The following ROBO1 variants were observed in gnomAD, a reference collection of about 807,000 sequenced individuals.
ROBO1 encodes the protein roundabout homolog 1.
In ROBO1, 149 loss-of-function variants were observed where a neutral mutation model predicts 195.9. The ratio of observed to expected loss-of-function variants is 0.76; its 90% CI spans 0.67 to 0.87. ROBO1 has a LOEUF of 0.87. Ranked by LOEUF, ROBO1 falls within the 40% of genes least tolerant of loss-of-function variation. The pLI, the probability that ROBO1 is intolerant of heterozygous loss-of-function variation, is 0.00. For missense variants in ROBO1, 1,933 were observed against 2,068.3 expected (o/e 0.93, Z 1.27); for synonymous variants, 816 against 733.2 (o/e 1.11, Z -1.82).
chr3:79,481,429 A>T (rs1938853704), intron 2 of ROBO1, among the ~76,000 whole-genome samples: 1 of 152,190 alleles, frequency 6.6e-6, no homozygotes, highest in African/African-American at 2.4e-5. Context: ...TGTAGAGATG[A>T]TTCTGTGAAT....
intron 1 of ROBO1, among the ~76,000 whole-genome samples, chr3:79,724,211 T>A (rs1430008589): frequency 1.3e-5 from 2 of 152,202 alleles, no homozygotes; most frequent in Admixed American, 6.5e-5. Flanking sequence ...CCATTTAGGG[T>A]AAAGAACAAC....
At chr3:79,550,166 AG>A (rs1405136339) in intron 2 of ROBO1, among the ~76,000 whole-genome samples, 2 of 122,504 alleles carry the variant, frequency 1.6e-5, no homozygotes, top group African/African-American at 8.1e-5. Flanking sequence ...AAAGAAAGAA[AG>A]GAAGAAAGAA....
At chr3:79,234,145 C>T (rs1181774581) in intron 2 of ROBO1, among the ~76,000 whole-genome samples, 1 of 152,030 alleles carries the variant, frequency 6.6e-6, no homozygotes, top group East Asian at 1.9e-4. Flanking sequence ...TGTCTGTTTA[C>T]TCTGTTAATA....
intron 3 of ROBO1, among the ~76,000 whole-genome samples, chr3:78,942,868 A>C (rs748933592): frequency 2.0e-5 from 3 of 152,060 alleles, no homozygotes; most frequent in African/African-American, 4.8e-5. Context: ...ACCTGTGAAT[A>C]GCCACTGCAC....
At chr3:78,823,315 G>A (rs2031217215) in intron 4 of ROBO1, among the ~76,000 whole-genome samples, 1 of 151,638 alleles carries the variant, frequency 6.6e-6, no homozygotes, top group Admixed American at 6.6e-5. Context: ...ATACAGAAAA[G>A]GCCATATTTT....
intron 2 of ROBO1, among the ~76,000 whole-genome samples, chr3:79,341,443 C>T (rs2034900627): frequency 6.6e-6 from 1 of 152,074 alleles, no homozygotes; most frequent in African/African-American, 2.4e-5. Context: ...ACATTCATTT[C>T]ACATCTTAGC....
intron 4 of ROBO1, among the ~76,000 whole-genome samples, chr3:78,812,458 G>C (rs989150598): frequency 1.3e-4 from 20 of 151,900 alleles, no homozygotes; most frequent in African/African-American, 4.6e-4. Context: ...TACCTACAAG[G>C]CTCCCTCTTT....
intron 2 of ROBO1, among the ~76,000 whole-genome samples, chr3:79,136,861 T>A (rs2080419398): frequency 6.6e-6 from 1 of 152,198 alleles, no homozygotes; most frequent in East Asian, 1.9e-4. Context: ...TGCTTTTAGG[T>A]GGTGCCTCCT....
At chr3:79,550,201 GAAAAGAAAAGAAAA>G (rs1559984512) in intron 2 of ROBO1, among the ~76,000 whole-genome samples, 33 of 23,166 alleles carry the variant, frequency 1.4e-3, no homozygotes, top group African/African-American at 2.8e-3. Flanking sequence ...GAAAGGAAAA[GAAAAGAAAAGAAAA>G]GAAAAGAAAA....
At chr3:78,895,386 G>C (rs1278887761) in intron 4 of ROBO1, among the ~76,000 whole-genome samples, 1 of 152,142 alleles carries the variant, frequency 6.6e-6, no homozygotes, top group African/African-American at 2.4e-5. Flanking sequence ...AAAAGGCCTT[G>C]TTGTTTTTCA....
intron 2 of ROBO1, among the ~76,000 whole-genome samples, chr3:79,299,434 T>G (rs1056716693): frequency 9.9e-5 from 15 of 152,188 alleles, no homozygotes; most frequent in African/African-American, 3.4e-4. Flanking sequence ...ACTGAATTCC[T>G]GACAAATGTT....
chr3:79,403,152 C>G (rs908691313), intron 2 of ROBO1, among the ~76,000 whole-genome samples: 6 of 151,700 alleles, frequency 4.0e-5, no homozygotes, highest in Non-Finnish European at 7.4e-5. Context: ...TTTTCTCAGG[C>G]AAGAAAAAAT....
At chr3:79,048,545 G>A (rs1230123428) in intron 3 of ROBO1, among the ~76,000 whole-genome samples, 2 of 152,138 alleles carry the variant, frequency 1.3e-5, no homozygotes, top group South Asian at 4.1e-4. Flanking sequence ...TGTGGTTGGA[G>A]AAGTATATAT....
intron 2 of ROBO1, among the ~76,000 whole-genome samples, chr3:79,133,850 A>G: frequency 6.7e-6 from 1 of 148,310 alleles, no homozygotes; most frequent in African/African-American, 2.5e-5. Context: ...GGTGATGTAC[A>G]GATGGGTTTT....
chr3:79,244,238 G>T (rs2108889396), intron 2 of ROBO1, among the ~76,000 whole-genome samples: 1 of 152,164 alleles, frequency 6.6e-6, no homozygotes. Flanking sequence ...ATTAAGGTTA[G>T]CTCTCTCCTC....
chr3:79,183,080 C>CAAA (rs1304597488), intron 2 of ROBO1, among the ~76,000 whole-genome samples: 17 of 64,832 alleles, frequency 2.6e-4, no homozygotes, highest in African/African-American at 7.5e-4. Context: ...GACTCCAACT[C>CAAA]AAAAAAAAAA....
intron 4 of ROBO1, among the ~76,000 whole-genome samples, chr3:78,763,797 C>T (rs533809759): frequency 6.6e-5 from 10 of 152,274 alleles, no homozygotes; most frequent in Admixed American, 2.6e-4. Context: ...AATCCATTCC[C>T]GAGTTTTAAC....
At chr3:78,796,575 TCTA>T (rs1167030027) in intron 4 of ROBO1, among the ~76,000 whole-genome samples, 1 of 151,302 alleles carries the variant, frequency 6.6e-6, no homozygotes, top group African/African-American at 2.4e-5. Flanking sequence ...TTCACCCTCC[TCTA>T]CTACTACTTC....
chr3:78,799,238 ACACT>A (rs890255555), intron 4 of ROBO1, among the ~76,000 whole-genome samples: 3 of 152,106 alleles, frequency 2.0e-5, no homozygotes, highest in African/African-American at 7.2e-5. Flanking sequence ...TTGACTTTAA[ACACT>A]CAGTACCATA....
Sources: gnomAD v4.1 joint callset for allele counts (sites outside exome capture counted in the v4.1 genomes callset) on GRCh38, gnomAD v4.1.1 for gene constraint, MANE v1.5 for transcripts, NCBI Gene and HGNC (gene_info 2026-07-23, HGNC 2026-07-21) for gene names.